Variants in CBLL1 observed in about 807,000 individuals in gnomAD.
The protein encoded by CBLL1 is E3 ubiquitin-protein ligase Hakai.
A neutral mutation model predicts 44.9 loss-of-function variants in CBLL1; 4 were observed. The ratio of observed to expected loss-of-function variants is 0.09; its 90% CI spans 0.04 to 0.20. The LOEUF (loss-of-function observed/expected upper bound fraction) is 0.20. Among genes scored for constraint, CBLL1 ranks in the 10% least tolerant of loss-of-function variants. The pLI, the probability that CBLL1 is intolerant of heterozygous loss-of-function variation, is 1.00. For missense variants in CBLL1, 569 were observed against 636.7 expected, an observed-to-expected ratio of 0.89 and a Z score of 1.14; for synonymous variants, 235 against 202.2, an observed-to-expected ratio of 1.16 and a Z score of -1.38.
chr7:107,757,450 C>T (rs1217511296), intron 5 of CBLL1, among the ~76,000 whole-genome samples: 1 of 152,084 alleles, frequency 6.6e-6, no homozygotes, highest in Non-Finnish European at 1.5e-5. Flanking sequence ...GCTGTAATGG[C>T]AATTATGGAT....
Position 107,758,804 on chromosome 7 carries a change from G to A in CBLL1, c.1102G>A (p.Val368Ile), listed in dbSNP as rs1243191118. The A allele has an allele frequency of 1.9e-6, 3 of 1,613,490 alleles. No individual in the cohort carries two copies. Among genetic ancestry groups the A allele is most frequent in the Admixed American group, 3.3e-5 (2 of 59,958 alleles). Residue 368 changes from valine to isoleucine, a missense_variant, in exon 6 of 6, where the codon GTA becomes ATA. Transcript: ENST00000440859. This position sits in a 1 kb window ranked among gnomAD's most constrained non-coding sequence, Gnocchi z 4.2. ...CCAGGCTGCAGGTACTCCTCACTTG[G>A]TATATAGCCAAGCTCCACCTCCACC... ...PPQAAGTPHL[V>I]YSQAPPPPMT...
rs1416429563 is a variant in CBLL1 at position 107,749,059 on chromosome 7, A to G, written c.181+12A>G. 6.2e-7 allele frequency: 1 copy of G among 1,612,970 alleles called. No homozygotes were observed. The highest frequency in any genetic ancestry group is 8.5e-7 in the Non-Finnish European group (1 of 1,179,306). On this transcript the variant is annotated intron_variant, in intron 2 of 5. Coordinates refer to ENST00000440859, the MANE Select transcript of CBLL1 (RefSeq NM_024814.4). The stretch of plus-strand genomic sequence containing the variant: ...ACCTGGTGATGAAGGTAATTTGTTT[A>G]ACTAATAGGTCCAACACTCTTTCTG...
Position 107,753,452 on chromosome 7 carries a change from G to C in CBLL1, c.223G>C (p.Gly75Arg). Residue 75 changes from glycine to arginine, a missense_variant, in exon 3 of 6, where the codon GGG becomes CGG. Physicochemically the swap from Gly to Arg is moderately radical, Grantham distance 125. Around this residue, in one of 5 missense-constraint regions of CBLL1, gnomAD observed 209 missense variants for 202.8 expected, o/e 1.03. Transcript: ENST00000440859. ...YNEEERYDCK[G>R]GELFANQRRF... ...TGAAGAAGAACGGTATGACTGTAAA[G>C]GGGGTGAGCTGTTTGCAAATCAGCG... 6.3e-7 allele frequency: 1 copy of C among 1,592,492 alleles called. No individual in the cohort carries two copies. The highest frequency in any genetic ancestry group is 8.5e-7 in the Non-Finnish European group (1 of 1,172,126).
At position 107,759,364 on chromosome 7, in the gene CBLL1, T is replaced by A; in HGVS notation, c.*186T>A. 1.9e-6 allele frequency: 1 copy of A among 527,978 alleles called. No individual in the cohort carries two copies. Among genetic ancestry groups the A allele is most frequent in the Non-Finnish European group, 3.3e-6 (1 of 304,008 alleles). 32.7% of individuals were successfully genotyped at this position (527,978 alleles called of 1,614,324 possible). On this transcript the variant is annotated 3_prime_UTR_variant, in exon 6 of 6. Coordinates refer to ENST00000440859, the MANE Select transcript of CBLL1 (RefSeq NM_024814.4). ...ATTGATTTCAAGTACCATACTGTAGTACAGATAAGTGGCTCAGTTGAGCAC... is the reference window on the plus strand; with the variant it reads ...ATTGATTTCAAGTACCATACTGTAGAACAGATAAGTGGCTCAGTTGAGCAC...
At chr7:107,750,730 G>A (rs1167094538) in intron 2 of CBLL1, among the ~76,000 whole-genome samples, 1 of 152,144 alleles carries the variant, frequency 6.6e-6, no homozygotes, top group Non-Finnish European at 1.5e-5. Flanking sequence ...TTACAGGTTA[G>A]CAAACTATGT....
At chr7:107,753,775 C>T (rs947857379) in intron 3 of CBLL1, 120 bp from the exon 4 acceptor site, 11 of 586,526 alleles carry the variant, frequency 1.9e-5, no homozygotes, top group Non-Finnish European at 3.0e-5. Context: ...GGAGATTATA[C>T]CAAGAGGCTT....
At chr7:107,752,464 G>A in intron 2 of CBLL1, 2 of 521,132 alleles carry the variant, frequency 3.8e-6, no homozygotes, top group Admixed American at 5.1e-5. Flanking sequence ...GTGTGTGTGT[G>A]TCTGTGTCTG....
At chr7:107,749,861 G>T (rs765188609) in intron 2 of CBLL1, among the ~76,000 whole-genome samples, 1 of 151,880 alleles carries the variant, frequency 6.6e-6, no homozygotes, top group Non-Finnish European at 1.5e-5. Flanking sequence ...TTCTTGTTTA[G>T]ATCCTTTCTT....
In CBLL1 at chr7:107,748,909, G is replaced by A. The variant is rs766549133; in HGVS notation, c.43G>A (p.Gly15Arg). 1 of 1,612,858 alleles carries A rather than the reference G, an allele frequency of 6.2e-7. No individual in the cohort carries two copies. The highest frequency in any genetic ancestry group is 8.5e-7 in the Non-Finnish European group (1 of 1,179,414). Reference protein sequence around the residue: ...DNELQGTNSSGSLGGLDVRRR... With the variant: ...DNELQGTNSSRSLGGLDVRRR... The stretch of plus-strand genomic sequence containing the variant: ...TGAGTTACAAGGCACTAATAGTTCT[G>A]GATCCTTGGGTGGTCTTGATGTTCG... The change falls in exon 2 of 6, where the codon GGA (glycine) becomes AGA (arginine). Residue 15 changes from glycine to arginine, a missense_variant. Transcript: ENST00000440859.
intron 5 of CBLL1, among the ~76,000 whole-genome samples, chr7:107,757,559 T>C (rs1173462603): frequency 6.6e-6 from 1 of 152,216 alleles, no homozygotes; most frequent in African/African-American, 2.4e-5. Flanking sequence ...GTTAGCAAAG[T>C]GTAAATTTGT....
At chr7:107,751,971 G>A (rs1189909404) in intron 2 of CBLL1, among the ~76,000 whole-genome samples, 6 of 152,038 alleles carry the variant, frequency 3.9e-5, no homozygotes, top group African/African-American at 1.2e-4. Flanking sequence ...AGGCTGAGAC[G>A]GGCGGGTCAT....
rs1793734352 is a variant in CBLL1 at position 107,760,856 on chromosome 7, CAA to C, written c.*1681_*1682del. The C allele has an allele frequency of 6.6e-6, 1 of 152,248 alleles. No homozygotes were observed. Among genetic ancestry groups the C allele is most frequent in the Admixed American group, 6.5e-5 (1 of 15,286 alleles). 9.4% of individuals were successfully genotyped at this position (152,248 alleles called of 1,614,324 possible). On this transcript the variant is annotated 3_prime_UTR_variant, in exon 6 of 6. Transcript: ENST00000440859. Reference sequence around the variant, plus strand: ...ACCCTAGAGCAGAAGTTAGAAATAACAAAATGGCCGTTTCAACCTTGACTGGC... The same window carrying C: ...ACCCTAGAGCAGAAGTTAGAAATAACAATGGCCGTTTCAACCTTGACTGGC...
At chr7:107,753,544 A>G in intron 3 of CBLL1, 33 bp downstream of exon 3, 1 of 1,252,728 alleles carries the variant, frequency 8.0e-7, no homozygotes, top group South Asian at 1.5e-5. Context: ...GTATTATAAC[A>G]ATAAAATATT....
intron 2 of CBLL1, among the ~76,000 whole-genome samples, chr7:107,751,121 C>T (rs1465735729): frequency 1.3e-5 from 2 of 152,084 alleles, no homozygotes; most frequent in African/African-American, 4.8e-5. Context: ...AGTTTTTCCA[C>T]AGGTGGAGAG....
rs1321112734 is a variant in CBLL1 at position 107,759,493 on chromosome 7, G to C, written c.*315G>C. On this transcript the variant is annotated 3_prime_UTR_variant, in exon 6 of 6. Transcript: ENST00000440859. ...AATTTTTCATTGTTTTACTTCAAAA[G>C]TATTGTTTTGTTAAACCCAACGTTT... 4.6e-6 allele frequency: 1 copy of C among 215,524 alleles called. No homozygotes were observed. The highest frequency in any genetic ancestry group is 5.2e-5 in the Admixed American group (1 of 19,334). 13.4% of individuals were successfully genotyped at this position (215,524 alleles called of 1,614,324 possible).
chr7:107,751,345 C>G (rs562578803), intron 2 of CBLL1, among the ~76,000 whole-genome samples: 2 of 152,280 alleles, frequency 1.3e-5, no homozygotes, highest in Non-Finnish European at 1.5e-5. Context: ...GCTGTGTGGC[C>G]GCATTCCTAA....
chr7:107,754,420 TATA>T (rs1793438845), intron 4 of CBLL1, among the ~76,000 whole-genome samples: 1 of 152,068 alleles, frequency 6.6e-6, no homozygotes, highest in African/African-American at 2.4e-5. Context: ...AAAATTGAAT[TATA>T]ATCATTAAAA....
At position 107,755,472 on chromosome 7, in the gene CBLL1, G is replaced by A; in HGVS notation, c.421G>A (p.Gly141Arg). The change falls in exon 5 of 6, where the codon GGA becomes AGA. Residue 141 changes from glycine to arginine, a missense_variant. Transcript: ENST00000440859. ...CTGTGCTATTTTACATGAAAAAAAGGGAGATAAGATGTGTCCAGGGTAAGA... is the reference window on the plus strand; with the variant it reads ...CTGTGCTATTTTACATGAAAAAAAGAGAGATAAGATGTGTCCAGGGTAAGA... ...YDCAILHEKK[G>R]DKMCPGCSDP... 6.3e-7 allele frequency: 1 copy of A among 1,583,562 alleles called. No homozygotes were observed. The highest frequency in any genetic ancestry group is 8.6e-7 in the Non-Finnish European group (1 of 1,162,232).
intron 1 of CBLL1, chr7:107,744,831 T>C (rs1001519281): frequency 2.0e-5 from 3 of 152,386 alleles, no homozygotes; most frequent in African/African-American, 7.2e-5. Context: ...CTCATACTTT[T>C]CTCCAAGTAA....
Sources: gnomAD v4.1 joint callset for allele counts (sites outside exome capture counted in the v4.1 genomes callset) on GRCh38, gnomAD v4.1.1 for gene constraint, gnomAD v4.1.1 regional missense constraint, Gnocchi (gnomAD v3.1) non-coding constraint, MANE v1.5 for transcripts, NCBI Gene and HGNC (gene_info 2026-07-23, HGNC 2026-07-21) for gene names.